ESRRB: variants seen among roughly 807,000 people sequenced by gnomAD.
ESRRB encodes the protein estrogen related receptor beta, also known as steroid hormone receptor ERR2.
Under a neutral mutation model 46.0 loss-of-function variants are expected in ESRRB, and 16 were observed. The ratio of observed to expected loss-of-function variants is 0.35; its 90% CI spans 0.24 to 0.53. The LOEUF is 0.53. ESRRB is among the 20% of genes least tolerant of loss of function. The pLI, the probability that ESRRB is intolerant of heterozygous loss-of-function variation, is 0.93. For missense variants in ESRRB, 488 were observed against 607.4 expected (o/e 0.80, Z 2.07); for synonymous variants, 246 against 259.6 (o/e 0.95, Z 0.50).
At position 76,499,750 on chromosome 14, in the gene ESRRB, A is replaced by G. The variant is rs71429960; in HGVS notation, c.*1292A>G. 0.12 allele frequency: 110,679 copies of G among 920,108 alleles called. 7,575 individuals are homozygous for G. Among genetic ancestry groups the G allele is most frequent in the Non-Finnish European group, 0.14 (80,083 of 554,244 alleles). 57.0% of individuals were successfully genotyped at this position (920,108 alleles called of 1,614,324 possible). ...GTCCAGGACGTTTCTTTATCCCAGG[A>G]AACTCCTCTACCCCAGGCACACGGG... On this transcript the variant is annotated 3_prime_UTR_variant, in exon 7 of 7. Transcript: ENST00000644823.
chr14:76,367,864 C>G (rs1884542290), upstream of ESRRB, among the ~76,000 whole-genome samples: 1 of 152,000 alleles, frequency 6.6e-6, no homozygotes. Context: ...TTCTCCCCCT[C>G]CTTGTGGTGC....
intron 1 of ESRRB, among the ~76,000 whole-genome samples, chr14:76,399,521 C>G (rs1003504267): frequency 7.2e-5 from 11 of 152,150 alleles, no homozygotes; most frequent in Admixed American, 5.2e-4. Context: ...TGAATATGCT[C>G]GCTGATGGCA....
In ESRRB at chr14:76,482,517, G is replaced by C; in HGVS notation, c.689-81G>C. The C allele has an allele frequency of 6.7e-7, 1 of 1,498,502 alleles. No individual in the cohort carries two copies. The highest frequency in any genetic ancestry group is 1.8e-4 in the Middle Eastern group (1 of 5,454). 92.8% of individuals were successfully genotyped at this position (1,498,502 alleles called of 1,614,324 possible). A position where few individuals can be genotyped will look rare whatever the true frequency, so the allele number is the denominator to read the frequency against. On this transcript the variant is annotated intron_variant, in intron 4 of 6. Transcript: ENST00000644823. The surrounding 1 kb of genome is among the most constrained non-coding windows in gnomAD (Gnocchi z 4.3). ...CTGGAGCTCTTAGGAACCCAACTTT[G>C]CTTCCTGACCCATCTGAGCCTCCAC...
At chr14:76,483,365 G>A (rs1207427040) in intron 5 of ESRRB, among the ~76,000 whole-genome samples, 1 of 152,236 alleles carries the variant, frequency 6.6e-6, no homozygotes, top group East Asian at 1.9e-4. Flanking sequence ...TCTGGCATGT[G>A]CTGGCATCAG....
At chr14:76,403,119 G>C (rs1198362665) in intron 1 of ESRRB, among the ~76,000 whole-genome samples, 4 of 152,152 alleles carry the variant, frequency 2.6e-5, no homozygotes, top group Admixed American at 6.6e-5. Context: ...GCACTTAGAG[G>C]GTGTTTACTT....
intron 5 of ESRRB, among the ~76,000 whole-genome samples, chr14:76,485,310 G>A (rs977978999): frequency 5.0e-5 from 7 of 140,126 alleles, no homozygotes; most frequent in African/African-American, 1.6e-4. Flanking sequence ...GTGCGATCTC[G>A]GCTCACTGCA....
At chr14:76,440,325 C>T (rs1249671496) in intron 2 of ESRRB, among the ~76,000 whole-genome samples, 1 of 152,048 alleles carries the variant, frequency 6.6e-6, no homozygotes, top group Non-Finnish European at 1.5e-5. Flanking sequence ...TAAATTAATG[C>T]ATGGTGGCAC....
chr14:76,479,338 G>A (rs756697274), intron 3 of ESRRB, among the ~76,000 whole-genome samples: 3 of 152,144 alleles, frequency 2.0e-5, no homozygotes, highest in Non-Finnish European at 4.4e-5. Flanking sequence ...GGCAAGAAGC[G>A]CCAAAGCAGC....
intron 1 of ESRRB, among the ~76,000 whole-genome samples, chr14:76,412,375 G>A (rs1013825272): frequency 1.3e-5 from 2 of 152,198 alleles, no homozygotes; most frequent in African/African-American, 4.8e-5. Context: ...TGGAAGATGT[G>A]GAACAACCTG....
chr14:76,469,649 ACAGGGGTGGGTCACCACGCC>A (rs1436376759), intron 3 of ESRRB, among the ~76,000 whole-genome samples: 1 of 152,204 alleles, frequency 6.6e-6, no homozygotes, highest in African/African-American at 2.4e-5. Flanking sequence ...TGCTGGGATG[ACAGGGGTGGGTCACCACGCC>A]CAGCCAAAAA....
chr14:76,357,019 G>A lies in ESRRB; in HGVS notation c.2+46103G>A, dbSNP rs74069818. ...CCCTCTCCTCCACATGCACCCCCTG[G>A]GGGAGGGTGTGGGCTCCTGCTGGTG... On this transcript the variant is annotated intron_variant, in intron 1 of 6. Coordinates refer to the ESRRB transcript ENST00000512784. Among the ~76,000 whole-genome samples, 723 of 152,290 alleles carry A rather than the reference G, an allele frequency of 4.7e-3. 9 individuals are homozygous for A. The highest frequency in any genetic ancestry group is 0.017 in the African/African-American group (693 of 41,548).
intron 1 of ESRRB, among the ~76,000 whole-genome samples, chr14:76,324,957 CTTTTTCTTTTTTT>C (rs1292416108): frequency 8.6e-6 from 1 of 115,838 alleles, no homozygotes; most frequent in Non-Finnish European, 1.8e-5. Context: ...TTTTCTTTTT[CTTTTTCTTTTTTT>C]TTTTTTTTTT....
At chr14:76,436,924 T>TTA (rs1313301377) in intron 1 of ESRRB, among the ~76,000 whole-genome samples, 1 of 152,182 alleles carries the variant, frequency 6.6e-6, no homozygotes, top group African/African-American at 2.4e-5. Flanking sequence ...AGGAGCTTTA[T>TTA]GTTATCTTTT....
intron 6 of ESRRB, among the ~76,000 whole-genome samples, chr14:76,494,849 G>A (rs1193965521): frequency 6.6e-6 from 1 of 152,146 alleles, no homozygotes; most frequent in Non-Finnish European, 1.5e-5. Context: ...TGGAGGTCAA[G>A]CCCTCTATTC....
chr14:76,334,206 G>A (rs1884098288), intron 1 of ESRRB, among the ~76,000 whole-genome samples: 1 of 152,166 alleles, frequency 6.6e-6, no homozygotes, highest in Non-Finnish European at 1.5e-5. Flanking sequence ...AGGGGCCTGG[G>A]TGGGTGGCGA....
chr14:76,430,997 G>A (rs1046228217), intron 1 of ESRRB, among the ~76,000 whole-genome samples: 7 of 152,182 alleles, frequency 4.6e-5, no homozygotes, highest in Non-Finnish European at 8.8e-5. Context: ...TGAGATTCCA[G>A]CGTAAAAAAC....
At chr14:76,440,297 C>T (rs888028026) in intron 2 of ESRRB, among the ~76,000 whole-genome samples, 5 of 151,944 alleles carry the variant, frequency 3.3e-5, no homozygotes, top group South Asian at 2.1e-4. Context: ...AAGACCCCAT[C>T]ATTATTATTA....
intron 1 of ESRRB, among the ~76,000 whole-genome samples, chr14:76,427,988 T>G (rs1159324930): frequency 3.9e-5 from 6 of 152,142 alleles, no homozygotes; most frequent in Admixed American, 1.3e-4. Flanking sequence ...GTGTGTTCAA[T>G]GACAGTAATT....
intron 1 of ESRRB, among the ~76,000 whole-genome samples, chr14:76,352,862 G>T (rs1442613914): frequency 1.3e-5 from 2 of 152,166 alleles, no homozygotes; most frequent in Admixed American, 6.5e-5. Flanking sequence ...GCCCCCACGC[G>T]CACACAGGCG....
Sources: allele counts gnomAD v4.1 joint callset (sites outside exome capture counted in the v4.1 genomes callset), GRCh38; gene constraint gnomAD v4.1.1; non-coding constraint Gnocchi (gnomAD v3.1); transcripts MANE v1.5; gene names NCBI Gene and HGNC (gene_info 2026-07-23, HGNC 2026-07-21).